Variants in CYP4F11 observed in about 807,000 individuals in gnomAD.
The protein encoded by CYP4F11 is cytochrome P450 family 4 subfamily F member 11, also known as cytochrome P450 4F11.
In CYP4F11, 79 loss-of-function variants were observed where a neutral mutation model predicts 62.2. The observed-to-expected ratio is 1.27, with a 90% CI of 1.06 to 1.53. The LOEUF is 1.53. Among genes scored for constraint, CYP4F11 ranks in the 40% most tolerant of loss-of-function variants. CYP4F11 has a pLI of 0.00. For synonymous variants in CYP4F11, 290 were observed against 263.7 expected (o/e 1.10, Z -0.97); for missense variants, 777 against 680.5 (o/e 1.14, Z -1.58).
intron 2 of CYP4F11, 112 bp downstream of exon 2, chr19:15,929,345 C>G: frequency 7.2e-7 from 1 of 1,381,160 alleles, no homozygotes; most frequent in East Asian, 2.3e-5. Flanking sequence ...GAGAGAGAAG[C>G]AGGAAGAGGG....
intron 4 of CYP4F11, among the ~76,000 whole-genome samples, chr19:15,925,502 C>T (rs1174213700): frequency 6.6e-6 from 1 of 151,906 alleles, no homozygotes; most frequent in Non-Finnish European, 1.5e-5. Flanking sequence ...ACATTACACA[C>T]TGGGTCCTGT....
At chr19:15,918,072 G>A (rs1239668062) in intron 8 of CYP4F11, among the ~76,000 whole-genome samples, 1 of 152,164 alleles carries the variant, frequency 6.6e-6, no homozygotes, top group Non-Finnish European at 1.5e-5. Flanking sequence ...CAAAGAAAAT[G>A]TGGTTCATAT....
At chr19:15,924,910 C>T (rs369296312) in intron 4 of CYP4F11, 28 bp from the exon 5 acceptor site, 50 of 1,596,914 alleles carry the variant, frequency 3.1e-5, no homozygotes, top group Non-Finnish European at 4.2e-5. Flanking sequence ...AGAGCCAAAG[C>T]TGGGAACTGC....
chr19:15,915,598 G>T (rs1048473414), intron 8 of CYP4F11, among the ~76,000 whole-genome samples: 24 of 152,026 alleles, frequency 1.6e-4, no homozygotes, highest in African/African-American at 5.8e-4. Flanking sequence ...TCTTTCTAGA[G>T]ATAATTTTTA....
intron 1 of CYP4F11, among the ~76,000 whole-genome samples, chr19:15,931,557 TGAGCGAGGAGAG>T (rs2089719310): frequency 2.8e-5 from 3 of 106,894 alleles, no homozygotes; most frequent in South Asian, 3.0e-4. Flanking sequence ...GAGGAATGAG[TGAGCGAGGAGAG>T]GAATGAGTGA....
Position 15,929,569 on chromosome 19 carries a change from C to G in CYP4F11, c.231G>C (p.Leu77Phe), listed in dbSNP as rs1441903377. 1 of 1,612,114 alleles carries G rather than the reference C, an allele frequency of 6.2e-7. No individual in the cohort carries two copies. Among genetic ancestry groups the G allele is most frequent in the Non-Finnish European group, 8.5e-7 (1 of 1,178,818 alleles). The change falls in exon 2 of 12, where the codon TTG becomes TTC. Residue 77 changes from leucine to phenylalanine, a missense_variant. By Grantham distance (22) the Leu-to-Phe change is conservative (BLOSUM62 0). Transcript: ENST00000402119. ...GGGGATATGTGGTCACCAGCTGGGT[C>G]AATGTCTTCATGCCCTCTTCCGTGG... Reference protein sequence around the residue: ...VTPTEEGMKTLTQLVTTYPQG... With the variant: ...VTPTEEGMKTFTQLVTTYPQG...
chr19:15,925,372 T>C (rs2089660950), intron 4 of CYP4F11, among the ~76,000 whole-genome samples: 1 of 152,140 alleles, frequency 6.6e-6, no homozygotes, highest in Non-Finnish European at 1.5e-5. Context: ...TAAATATGTA[T>C]CATGGAGTTG....
rs148679944 is a variant in CYP4F11, at chr19:15,913,764, G to A, written c.1543C>T (p.Arg515Trp). Residue 515 changes from arginine (R) to tryptophan (W), a missense_variant, in exon 12 of 12, where the codon CGG becomes TGG. By Grantham distance (101) the Arg-to-Trp change is moderately radical (BLOSUM62 -3). Transcript: ENST00000402119. ...GAGTTCGCACCCAGGGGCTCCACCC[G>A]CAGCCAAAGTCCACCCTCTGCGCGC... The part of the protein sequence containing the change: ...ILRAEGGLWL[R>W]VEPLGANSQ 1.5e-5 allele frequency: 25 copies of A among 1,614,028 alleles called. No individual in the cohort carries two copies. In the African/African-American group the frequency reaches 1.6e-4, roughly 10 times the overall value.
At chr19:15,915,479 C>G (rs1029192852) in intron 8 of CYP4F11, among the ~76,000 whole-genome samples, 7 of 152,160 alleles carry the variant, frequency 4.6e-5, no homozygotes, top group Non-Finnish European at 7.4e-5. Flanking sequence ...ACATTGTACA[C>G]TTAAGTGGCT....
In CYP4F11 at chr19:15,920,806, C is replaced by T. The variant is rs576373217; in HGVS notation, c.1115+1231G>A. Among the ~76,000 whole-genome samples, 4 of 152,142 alleles carry T rather than the reference C, an allele frequency of 2.6e-5. No individual in the cohort carries two copies. The South Asian group carries it at 6.2e-4, about 24-fold the overall frequency. ...TCTTGACTTTTTTTTCCATGTATTC[C>T]ACACCCAGGCTCTGCTGCCATCTCC... On this transcript the variant is annotated intron_variant, in intron 8 of 11. Coordinates refer to ENST00000402119, the MANE Select transcript of CYP4F11 (RefSeq NM_021187.4).
intron 10 of CYP4F11, 39 bp from the exon 11 acceptor site, chr19:15,914,426 C>A (rs771943377): frequency 1.2e-6 from 2 of 1,601,046 alleles, no homozygotes; most frequent in Admixed American, 3.4e-5. Context: ...GGTGGGGTCA[C>A]CCAGTTGGGT....
rs984147339 is a variant in CYP4F11, at chr19:15,927,575, T to C, written c.344-92A>G. 11 of 1,538,540 alleles carry C rather than the reference T, an allele frequency of 7.1e-6. No homozygotes were observed. The African/African-American group carries it at 1.4e-4, about 19-fold the overall frequency. ...ATGCTCCCAGCCAGGGGTGTGCACT[T>C]CCACGCATCCCACCCAGCATAGCAG... On this transcript the variant is annotated intron_variant, in intron 2 of 11. Coordinates refer to ENST00000402119, the MANE Select transcript of CYP4F11 (RefSeq NM_021187.4).
chr19:15,917,028 C>T (rs944934152), intron 8 of CYP4F11, among the ~76,000 whole-genome samples: 2 of 152,102 alleles, frequency 1.3e-5, no homozygotes, highest in Non-Finnish European at 2.9e-5. Flanking sequence ...AATCTAAGTG[C>T]CCACTGACAA....
upstream of CYP4F11, chr19:15,934,705 C>T: frequency 3.0e-6 from 1 of 335,998 alleles, no homozygotes; most frequent in Non-Finnish European, 5.4e-6. Context: ...AGGAAATCAC[C>T]AGTCTCCCAG....
intron 8 of CYP4F11, among the ~76,000 whole-genome samples, chr19:15,916,773 T>C (rs910767378): frequency 2.0e-5 from 3 of 151,706 alleles, no homozygotes; most frequent in Non-Finnish European, 4.4e-5. Context: ...CAAAAAACAA[T>C]AGATTTTGGT....
At chr19:15,916,747 A>G (rs2089586201) in intron 8 of CYP4F11, among the ~76,000 whole-genome samples, 1 of 131,440 alleles carries the variant, frequency 7.6e-6, no homozygotes, top group Non-Finnish European at 1.7e-5. Flanking sequence ...TGCAAGAATA[A>G]CCATAACTAA....
chr19:15,928,294 G>A (rs1273957042), intron 2 of CYP4F11, among the ~76,000 whole-genome samples: 1 of 152,286 alleles, frequency 6.6e-6, no homozygotes, highest in South Asian at 2.1e-4. Flanking sequence ...TTCTGTATAT[G>A]ATCCCAGGTG....
chr19:15,930,054 A>G (rs1047126372), intron 1 of CYP4F11, among the ~76,000 whole-genome samples: 2 of 105,610 alleles, frequency 1.9e-5, no homozygotes, highest in Non-Finnish European at 4.4e-5. Flanking sequence ...TCTCTCTCTC[A>G]CGCTCTCTCT....
intron 8 of CYP4F11, among the ~76,000 whole-genome samples, chr19:15,919,421 T>C (rs1012856519): frequency 2.0e-5 from 3 of 149,406 alleles, no homozygotes; most frequent in Admixed American, 6.7e-5. Flanking sequence ...GACGGATGGA[T>C]GGATGGATGG....
Sources: allele counts gnomAD v4.1 joint callset (sites outside exome capture counted in the v4.1 genomes callset), GRCh38; gene constraint gnomAD v4.1.1; transcripts MANE v1.5; gene names NCBI Gene and HGNC (gene_info 2026-07-23, HGNC 2026-07-21).